The following MDN1 variants were observed in gnomAD, a reference collection of about 807,000 sequenced individuals.
The protein encoded by MDN1 is midasin.
In MDN1, 266 loss-of-function variants were observed where a neutral mutation model predicts 669.2. The observed-to-expected ratio is 0.40, with a 90% CI of 0.36 to 0.44. The LOEUF is 0.44. Among genes scored for constraint, MDN1 ranks in the 20% least tolerant of loss-of-function variants. The pLI is 1.00. For missense variants in MDN1, 5,940 were observed against 6,754.0 expected, an observed-to-expected ratio of 0.88 and a Z score of 4.22; for synonymous variants, 2,385 against 2,457.1, an observed-to-expected ratio of 0.97 and a Z score of 0.87.
chr6:89,707,353 G>A lies in MDN1; in HGVS notation c.8014+8C>T, dbSNP rs2128311047. ...TAATTAGAGAACACAAAAGGTAAAT[G>A]TTCTTACCTTGATGGAATTCAAAGG... On this transcript the variant is annotated splice_region_variant and intron_variant, in intron 52 of 101. Transcript: ENST00000369393. 9 of 1,568,152 alleles carry A rather than the reference G, an allele frequency of 5.7e-6. No homozygotes were observed. The East Asian group carries it at 1.6e-4, about 27-fold the overall frequency.
chr6:89,730,957 G>C, intron 34 of MDN1, 34 bp from the exon 35 acceptor site: 3 of 1,573,898 alleles, frequency 1.9e-6, no homozygotes, highest in Non-Finnish European at 2.6e-6. Flanking sequence ...TGAAGCAACA[G>C]TACAACACCA....
In MDN1 at chr6:89,707,392, A is replaced by T. The variant is rs761556631; in HGVS notation, c.7983T>A (p.Ser2661Arg). 2 of 1,613,086 alleles carry T rather than the reference A, an allele frequency of 1.2e-6. No individual in the cohort carries two copies. The highest frequency in any genetic ancestry group is 2.7e-5 in the African/African-American group (2 of 74,780). Residue 2661 changes from serine (S) to arginine (R), a missense_variant, in exon 52 of 102, where the codon AGT becomes AGA. Around this residue, in one of 5 missense-constraint regions of MDN1, gnomAD observed 2,292 missense variants for 2,638.3 expected, o/e 0.87. Coordinates refer to ENST00000369393, the MANE Select transcript of MDN1 (RefSeq NM_014611.3). The stretch of plus-strand genomic sequence containing the variant: ...GGAATTCAAAGGACATTCTCAAAAC[A>T]CTCTCTCTTAGCTTTTTGCTACCAA... ...VSVGSKKLRE[S>R]VLRMSFEFHQ... is the part of the protein sequence containing the mutation.
At chr6:89,648,657 C>T (rs1241290896) in intron 97 of MDN1, among the ~76,000 whole-genome samples, 1 of 151,810 alleles carries the variant, frequency 6.6e-6, no homozygotes, top group Admixed American at 6.6e-5. Flanking sequence ...CACTTGAGTC[C>T]AGGAATTCAA....
chr6:89,696,104 T>C (rs1812719470), intron 60 of MDN1, 112 bp from the exon 61 acceptor site: 1 of 1,390,142 alleles, frequency 7.2e-7, no homozygotes, highest in Non-Finnish European at 9.8e-7. Flanking sequence ...AGCATCAATA[T>C]GTAGAGGTGA....
rs373526513 is a variant in MDN1 at position 89,655,857 on chromosome 6, C to G, written c.15397G>C (p.Gly5133Arg). The G allele has an allele frequency of 1.3e-5, 21 of 1,613,972 alleles. No homozygotes were observed. Among genetic ancestry groups the G allele is most frequent in the Non-Finnish European group, 1.8e-5 (21 of 1,180,034 alleles). Residue 5133 changes from glycine (G) to arginine (R), a missense_variant, in exon 92 of 102, where the codon GGG (glycine) becomes CGG (arginine). Gly to Arg is a moderately radical substitution (Grantham distance 125). This residue lies in a region of MDN1 where 2,280 missense variants were observed against 2,576.3 expected (regional missense o/e 0.88). Transcript: ENST00000369393. ...TVDTDSHAEQ[G>R]PAQQPQAQVE... ...TGGGCCTGGGGCTGCTGAGCTGGCC[C>G]CTGCTCGGCATGGCTGTCCGTATCC...
intron 35 of MDN1, 127 bp downstream of exon 35, chr6:89,730,599 G>T: frequency 2.8e-6 from 2 of 726,910 alleles, no homozygotes; most frequent in Non-Finnish European, 4.4e-6. Context: ...TTATTCTCAA[G>T]TCAGAATCTA....
At chr6:89,733,217 T>C (rs547589507) in intron 33 of MDN1, among the ~76,000 whole-genome samples, 2 of 152,278 alleles carry the variant, frequency 1.3e-5, no homozygotes, top group Admixed American at 6.5e-5. Flanking sequence ...ATGGCATGCA[T>C]TCAAGTTTTT....
In MDN1 at chr6:89,745,335, G is replaced by A. The variant is rs146606208; in HGVS notation, c.4116C>T (p.Leu1372=). The change falls in exon 29 of 102, where the codon CTC becomes CTT. Residue 1372 remains leucine (L), a synonymous_variant. Coordinates refer to ENST00000369393, the MANE Select transcript of MDN1 (RefSeq NM_014611.3). ...HIVWTEGMRR[L]AMLVGRALEF... The stretch of plus-strand genomic sequence containing the variant: ...CCAATGCCCTTCCCACTAGCATCGC[G>A]AGTCTCCGCATGCCCTCAGTCCACA... 9.9e-6 allele frequency: 16 copies of A among 1,613,762 alleles called. No individual in the cohort carries two copies. Among genetic ancestry groups the A allele is most frequent in the Admixed American group, 3.3e-5 (2 of 59,982 alleles).
chr6:89,815,283 C>T (rs1768745800), intron 1 of MDN1: 2 of 471,060 alleles, frequency 4.2e-6, no homozygotes, highest in Non-Finnish European at 4.2e-6. Context: ...TGACCTAGCA[C>T]CTATGGGGAG....
At chr6:89,688,457 A>T in intron 66 of MDN1, 116 bp downstream of exon 66, 1 of 901,614 alleles carries the variant, frequency 1.1e-6, no homozygotes, top group Non-Finnish European at 1.7e-6. Flanking sequence ...GCAGTTCTTT[A>T]AGCCTTTGTT....
At chr6:89,739,699 T>C (rs1331242303) in intron 32 of MDN1, among the ~76,000 whole-genome samples, 1 of 152,158 alleles carries the variant, frequency 6.6e-6, no homozygotes, top group Non-Finnish European at 1.5e-5. Context: ...CCTCTGAACA[T>C]AGGAACTACC....
chr6:89,741,348 C>T (rs1236896735), intron 31 of MDN1, among the ~76,000 whole-genome samples: 3 of 152,012 alleles, frequency 2.0e-5, no homozygotes, highest in Non-Finnish European at 4.4e-5. Context: ...AAAAAAAACA[C>T]AAAAACCTGT....
chr6:89,713,212 C>G lies in MDN1; in HGVS notation c.7154G>C (p.Arg2385Thr), dbSNP rs1418452823. The change falls in exon 47 of 102, where the codon AGA becomes ACA. Residue 2385 changes from arginine to threonine, a missense_variant. Arg to Thr is a moderately conservative substitution (Grantham distance 71). This residue lies in a region of MDN1 where 2,292 missense variants were observed against 2,638.3 expected (regional missense o/e 0.87). Coordinates refer to ENST00000369393, the MANE Select transcript of MDN1 (RefSeq NM_014611.3). ...TTCCCAGCATGCTTCAGAAAAGGCT[C>G]TGTCTAAACTCAGCCCTCGCTGCAG... is the stretch of plus-strand genomic sequence containing the variant. ...QYLQRGLSLDRAFSEACWEVY... is the reference protein window; with the variant it reads ...QYLQRGLSLDTAFSEACWEVY... 6.2e-7 allele frequency: 1 copy of G among 1,614,002 alleles called. No homozygotes were observed. Among genetic ancestry groups the G allele is most frequent in the African/African-American group, 1.3e-5 (1 of 74,928 alleles).
chr6:89,648,149 T>G lies in MDN1; in HGVS notation c.16281-3A>C. On this transcript the variant is annotated splice_polypyrimidine_tract_variant and splice_region_variant and intron_variant, in intron 98 of 101. Transcript: ENST00000369393. ...ACAGCTTTACAGATTCTCCAAAACTTGGGGGAGGAAAACCAAATACAACAG... is the reference window on the plus strand; with the variant it reads ...ACAGCTTTACAGATTCTCCAAAACTGGGGGGAGGAAAACCAAATACAACAG... 1 of 1,612,954 alleles carries G rather than the reference T, an allele frequency of 6.2e-7. No homozygotes were observed. Among genetic ancestry groups the G allele is most frequent in the Non-Finnish European group, 8.5e-7 (1 of 1,179,006 alleles).
At chr6:89,712,548 G>C (rs1432272588) in intron 48 of MDN1, 27 bp downstream of exon 48, 4 of 1,602,686 alleles carry the variant, frequency 2.5e-6, no homozygotes, top group South Asian at 2.2e-5. Flanking sequence ...CAAGAAACCA[G>C]AGACACAAGC....
chr6:89,789,952 T>A (rs1414904084), intron 6 of MDN1, 41 bp from the exon 7 acceptor site: 1 of 1,603,310 alleles, frequency 6.2e-7, no homozygotes, highest in Non-Finnish European at 8.5e-7. Context: ...AAACCATACC[T>A]GTAGTGGCAA....
chr6:89,791,359 T>C (rs1046206109), intron 5 of MDN1, among the ~76,000 whole-genome samples: 2 of 152,228 alleles, frequency 1.3e-5, no homozygotes, highest in African/African-American at 4.8e-5. Flanking sequence ...TGTTGTAATT[T>C]TTTTTTAGGT....
In MDN1 at chr6:89,685,945, C is replaced by T. The variant is rs200940652; in HGVS notation, c.11601G>A (p.Leu3867=). 9.9e-6 allele frequency: 16 copies of T among 1,613,096 alleles called. No homozygotes were observed. In the Middle Eastern group the frequency reaches 4.9e-4, roughly 50 times the overall value. The change falls in exon 70 of 102, where the codon CTG becomes CTA. Residue 3867 remains leucine, a synonymous_variant. Coordinates refer to ENST00000369393, the MANE Select transcript of MDN1 (RefSeq NM_014611.3). ...EDDKQMTLML[L]VSTLQAFIEG... is the part of the protein sequence containing the mutation. ...CAATAAATGCTTGTAATGTGCTGAC[C>T]AGCAACATCAAGGTCATCTGTTTGT...
chr6:89,672,850 G>T, intron 80 of MDN1, 148 bp from the exon 81 acceptor site: 1 of 834,804 alleles, frequency 1.2e-6, no homozygotes, highest in Non-Finnish European at 1.8e-6. Flanking sequence ...CAAATTCCTT[G>T]CCTCGATAAA....
Sources: gnomAD v4.1 joint callset for allele counts (sites outside exome capture counted in the v4.1 genomes callset) on GRCh38, gnomAD v4.1.1 for gene constraint, gnomAD v4.1.1 regional missense constraint, MANE v1.5 for transcripts, NCBI Gene and HGNC (gene_info 2026-07-23, HGNC 2026-07-21) for gene names.